Variants in PPP3CC observed in about 807,000 individuals in gnomAD.
The protein encoded by PPP3CC is protein phosphatase 3 catalytic subunit gamma.
A neutral mutation model predicts 60.3 loss-of-function variants in PPP3CC; 35 were observed. The ratio of observed to expected loss-of-function variants is 0.58; its 90% confidence interval spans 0.44 to 0.77. The LOEUF is 0.77. Among genes scored for constraint, PPP3CC ranks in the 30% least tolerant of loss-of-function variants. The pLI is 0.00. For missense variants in PPP3CC, 570 were observed against 628.9 expected, an observed-to-expected ratio of 0.91 and a Z score of 1.00; for synonymous variants, 206 against 224.3, an observed-to-expected ratio of 0.92 and a Z score of 0.73.
chr8:22,497,998 T>C lies in PPP3CC; in HGVS notation c.373-3T>C, dbSNP rs770331745. 2 of 1,594,376 alleles carry C rather than the reference T, an allele frequency of 1.3e-6. No homozygotes were observed. The highest frequency in any genetic ancestry group is 1.7e-6 in the Non-Finnish European group (2 of 1,167,432). On this transcript the variant is annotated splice_region_variant and splice_polypyrimidine_tract_variant and intron_variant, in intron 3 of 13. Coordinates refer to ENST00000240139, the MANE Select transcript of PPP3CC (RefSeq NM_005605.5). Reference sequence around the variant, plus strand: ...AAATTTTATGCTTGAATTTGTCTTGTAGTGTGTGCTGTATTTATGGAGTTT... The same window carrying C: ...AAATTTTATGCTTGAATTTGTCTTGCAGTGTGTGCTGTATTTATGGAGTTT...
At chr8:22,461,609 A>G (rs1837363624) in intron 1 of PPP3CC, among the ~76,000 whole-genome samples, 1 of 152,102 alleles carries the variant, frequency 6.6e-6, no homozygotes, top group African/African-American at 2.4e-5. Flanking sequence ...AAATCTCACC[A>G]CCAAAGACCA....
intron 13 of PPP3CC, among the ~76,000 whole-genome samples, chr8:22,540,178 C>CT (rs897166969): frequency 2.0e-5 from 3 of 151,970 alleles, no homozygotes; most frequent in South Asian, 2.1e-4. Flanking sequence ...TCTTTTGTTA[C>CT]TTTTTTTTGT....
chr8:22,490,760 A>G (rs1221655434), intron 3 of PPP3CC, among the ~76,000 whole-genome samples: 1 of 152,026 alleles, frequency 6.6e-6, no homozygotes, highest in Non-Finnish European at 1.5e-5. Context: ...AGCTTCATCC[A>G]TGTCCCTACA....
chr8:22,517,052 C>G (rs542067957), intron 6 of PPP3CC, among the ~76,000 whole-genome samples: 1 of 152,264 alleles, frequency 6.6e-6, no homozygotes, highest in East Asian at 1.9e-4. Context: ...CTGTATTTCC[C>G]TTAGCAGTAG....
chr8:22,492,995 T>C (rs544663329), intron 3 of PPP3CC: 1 of 1,280,692 alleles, frequency 7.8e-7, no homozygotes, highest in African/African-American at 1.5e-5. Context: ...AGTCTGTGAA[T>C]GGAAAAGCAC....
At chr8:22,513,694 C>T (rs1305145129) in intron 6 of PPP3CC, among the ~76,000 whole-genome samples, 2 of 152,088 alleles carry the variant, frequency 1.3e-5, no homozygotes, top group Non-Finnish European at 2.9e-5. Flanking sequence ...GTGATCTAGA[C>T]TATTTGTTCC....
intron 1 of PPP3CC, among the ~76,000 whole-genome samples, chr8:22,453,085 G>A (rs1458514655): frequency 6.6e-6 from 1 of 152,172 alleles, no homozygotes; most frequent in African/African-American, 2.4e-5. Flanking sequence ...CAGCCGTGTG[G>A]CCTTTGAGCT....
rs1015071810 is a variant in PPP3CC, at chr8:22,453,610, C to T, written c.49+12152C>T. Among the ~76,000 whole-genome samples, 4 of 152,258 alleles carry T rather than the reference C, an allele frequency of 2.6e-5. No homozygotes were observed. The East Asian group carries it at 7.7e-4, about 29-fold the overall frequency. On this transcript the variant is annotated intron_variant, in intron 1 of 13. Transcript: ENST00000240139. The stretch of plus-strand genomic sequence containing the variant: ...TTGAAAACATTTGCATATAAGTGAA[C>T]CAGTGCAGTTCAAACCCATGTTGTT...
chr8:22,446,229 A>G (rs544648459), intron 1 of PPP3CC, among the ~76,000 whole-genome samples: 5 of 152,248 alleles, frequency 3.3e-5, no homozygotes, highest in African/African-American at 1.2e-4. Flanking sequence ...CAAAATAAAT[A>G]GATTACCAGA....
intron 10 of PPP3CC, chr8:22,531,415 T>A: frequency 7.5e-7 from 1 of 1,335,504 alleles, no homozygotes; most frequent in South Asian, 1.3e-5. Flanking sequence ...GGTAGTTGAA[T>A]AATTTCAGAA....
Position 22,488,079 on chromosome 8 carries a change from A to G in PPP3CC, c.373-9922A>G, listed in dbSNP as rs373913061. 1.7e-4 allele frequency among the ~76,000 whole-genome samples: 26 copies of G among 152,362 alleles called. No homozygotes were observed. The East Asian group carries it at 1.7e-3, about 10-fold the overall frequency. On this transcript the variant is annotated intron_variant, in intron 3 of 13. Coordinates refer to ENST00000240139, the MANE Select transcript of PPP3CC (RefSeq NM_005605.5). ...TACTATGGGTGGATTGTGCCTTTAT[A>G]TATCTCGTTACCTCAAAAAGGTGAG...
At chr8:22,467,806 C>T (rs1242144485) in intron 1 of PPP3CC, among the ~76,000 whole-genome samples, 1 of 152,160 alleles carries the variant, frequency 6.6e-6, no homozygotes, top group Non-Finnish European at 1.5e-5. Context: ...GTCCTAGAGG[C>T]TGGGAAGTCC....
At chr8:22,511,823 A>T (rs1371442929) in intron 5 of PPP3CC, among the ~76,000 whole-genome samples, 1 of 152,202 alleles carries the variant, frequency 6.6e-6, no homozygotes, top group Non-Finnish European at 1.5e-5. Context: ...GAAGGAAACC[A>T]GGGTTCTAAT....
chr8:22,444,843 T>C (rs1191584460), intron 1 of PPP3CC, among the ~76,000 whole-genome samples: 9 of 152,240 alleles, frequency 5.9e-5, no homozygotes, highest in African/African-American at 2.2e-4. Flanking sequence ...TGTGATATTC[T>C]GTCTGCTTTA....
chr8:22,523,711 T>G (rs887382966), intron 8 of PPP3CC: 1 of 452,912 alleles, frequency 2.2e-6, no homozygotes, highest in African/African-American at 2.0e-5. Context: ...GTGGATTTGA[T>G]TTTTGGACAG....
chr8:22,492,834 A>G (rs1415263691), intron 3 of PPP3CC: 4 of 992,608 alleles, frequency 4.0e-6, no homozygotes, highest in Non-Finnish European at 6.5e-6. Context: ...ACAGTGATCC[A>G]CTTTAACAGC....
At chr8:22,513,262 T>G in intron 5 of PPP3CC, 31 bp from the exon 6 acceptor site, 2 of 1,598,182 alleles carry the variant, frequency 1.3e-6, no homozygotes, top group Middle Eastern at 1.7e-4. Flanking sequence ...CTCTCCTGAT[T>G]TTTTTCTTTT....
chr8:22,530,829 C>CAAAA (rs58626647), intron 10 of PPP3CC, among the ~76,000 whole-genome samples: 1 of 58,032 alleles, frequency 1.7e-5, no homozygotes, highest in Non-Finnish European at 3.4e-5. Flanking sequence ...AGACTCATCT[C>CAAAA]AAAAAAAAAA....
intron 1 of PPP3CC, among the ~76,000 whole-genome samples, chr8:22,443,390 C>T (rs1282279133): frequency 1.3e-5 from 2 of 151,632 alleles, no homozygotes; most frequent in African/African-American, 4.8e-5. Context: ...GGCATGGTGG[C>T]GGGCACTGTA....
Sources: gnomAD v4.1 joint callset for allele counts (sites outside exome capture counted in the v4.1 genomes callset) on GRCh38, gnomAD v4.1.1 for gene constraint, MANE v1.5 for transcripts, NCBI Gene and HGNC (gene_info 2026-07-23, HGNC 2026-07-21) for gene names.